Variants in EPHB1 observed in about 807,000 individuals in gnomAD.
The protein encoded by EPHB1 is ephrin type-B receptor 1.
A neutral mutation model predicts 94.4 loss-of-function variants in EPHB1; 30 were observed. The observed-to-expected ratio is 0.32, with a 90% CI of 0.24 to 0.43. EPHB1 has a LOEUF of 0.43. EPHB1 is among the 20% of genes least tolerant of loss of function. The pLI is 1.00. For synonymous variants in EPHB1, 522 were observed against 489.1 expected (o/e 1.07, Z -0.89); for missense variants, 1,055 against 1,308.3 (o/e 0.81, Z 2.99).
At chr3:135,198,663 C>T (rs116099032) in intron 11 of EPHB1, among the ~76,000 whole-genome samples, 304 of 152,280 alleles carry the variant, frequency 2.0e-3, no homozygotes, top group Non-Finnish European at 3.4e-3. Flanking sequence ...TCACCACACT[C>T]ATCTGAGGTA....
chr3:134,811,307 C>T (rs1282824594), intron 1 of EPHB1, among the ~76,000 whole-genome samples: 2 of 133,728 alleles, frequency 1.5e-5, no homozygotes, highest in African/African-American at 5.3e-5. Context: ...GGTGCGATCT[C>T]AGCTCACCGC....
intron 12 of EPHB1, among the ~76,000 whole-genome samples, chr3:135,226,691 A>T (rs1301873649): frequency 6.6e-6 from 1 of 152,200 alleles, no homozygotes. Flanking sequence ...TAATCCCAGA[A>T]CATGCAGGAG....
intron 13 of EPHB1, among the ~76,000 whole-genome samples, chr3:135,243,697 A>G (rs1376710472): frequency 6.6e-6 from 1 of 152,140 alleles, no homozygotes; most frequent in Non-Finnish European, 1.5e-5. Context: ...TTTACAGATG[A>G]CAATTGAAAG....
intron 9 of EPHB1, among the ~76,000 whole-genome samples, chr3:135,171,471 G>A (rs1251741675): frequency 6.6e-6 from 1 of 152,152 alleles, no homozygotes; most frequent in Non-Finnish European, 1.5e-5. Context: ...CTTATCGAGT[G>A]TGTAGGTAAC....
intron 1 of EPHB1, among the ~76,000 whole-genome samples, chr3:134,812,997 A>G (rs914134523): frequency 2.6e-5 from 4 of 152,082 alleles, no homozygotes; most frequent in Non-Finnish European, 4.4e-5. Flanking sequence ...GAGTGACCCC[A>G]CTCACACTAT....
chr3:134,985,146 C>T (rs1934551612), intron 3 of EPHB1, among the ~76,000 whole-genome samples: 2 of 152,040 alleles, frequency 1.3e-5, no homozygotes, highest in African/African-American at 4.8e-5. Context: ...TTCCCTGGGA[C>T]CTCTGGTGTG....
At chr3:134,911,664 A>G (rs536382836) in intron 1 of EPHB1, among the ~76,000 whole-genome samples, 18 of 152,334 alleles carry the variant, frequency 1.2e-4, no homozygotes, top group Non-Finnish European at 2.1e-4. Context: ...CTGCATGGCA[A>G]CACTAAGAAT....
intron 2 of EPHB1, among the ~76,000 whole-genome samples, chr3:134,949,291 G>A (rs577424682): frequency 6.6e-6 from 1 of 152,238 alleles, no homozygotes; most frequent in Non-Finnish European, 1.5e-5. Context: ...GGTCCAGGAG[G>A]ACCCTGGATT....
chr3:134,896,473 C>T (rs947785553), intron 1 of EPHB1, among the ~76,000 whole-genome samples: 4 of 152,222 alleles, frequency 2.6e-5, no homozygotes, highest in Non-Finnish European at 5.9e-5. Context: ...AATGGTTGCT[C>T]TTGTTGTCGT....
intron 2 of EPHB1, among the ~76,000 whole-genome samples, chr3:134,933,122 A>G (rs1019305655): frequency 2.0e-5 from 3 of 152,156 alleles, no homozygotes; most frequent in South Asian, 2.1e-4. Flanking sequence ...GTGGTTATCA[A>G]TCGATCCCTC....
chr3:134,810,156 C>G (rs975233715), intron 1 of EPHB1, among the ~76,000 whole-genome samples: 2 of 152,186 alleles, frequency 1.3e-5, no homozygotes, highest in African/African-American at 4.8e-5. Context: ...CTCACCTAAC[C>G]AGAGCACAAG....
At chr3:134,968,954 C>T (rs187728484) in intron 3 of EPHB1, among the ~76,000 whole-genome samples, 3 of 152,180 alleles carry the variant, frequency 2.0e-5, no homozygotes, top group Non-Finnish European at 2.9e-5. Context: ...TGTATCCATT[C>T]GCTTGTTGAG....
chr3:134,973,425 CTTT>C (rs10664147), intron 3 of EPHB1, among the ~76,000 whole-genome samples: 7 of 91,010 alleles, frequency 7.7e-5, no homozygotes, highest in South Asian at 9.5e-4. Context: ...GTCTTCTAGT[CTTT>C]TTTTTTTTTT....
chr3:135,140,237 T>A (rs1017480771), intron 5 of EPHB1, among the ~76,000 whole-genome samples: 1 of 152,102 alleles, frequency 6.6e-6, no homozygotes, highest in Non-Finnish European at 1.5e-5. Context: ...TAAAGAGGCA[T>A]CTCATAAAGA....
intron 3 of EPHB1, among the ~76,000 whole-genome samples, chr3:135,040,753 A>G (rs1275549029): frequency 1.3e-5 from 2 of 152,250 alleles, no homozygotes; most frequent in Admixed American, 6.5e-5. Context: ...GCCCGGCCTC[A>G]AAGATACTGC....
intron 3 of EPHB1, among the ~76,000 whole-genome samples, chr3:135,093,295 A>G (rs1938623428): frequency 6.6e-6 from 1 of 152,170 alleles, no homozygotes; most frequent in Non-Finnish European, 1.5e-5. Context: ...GCCAACTCCC[A>G]GGCCACTCCC....
chr3:135,160,762 G>A (rs899652728), intron 6 of EPHB1, among the ~76,000 whole-genome samples: 4 of 152,202 alleles, frequency 2.6e-5, no homozygotes, highest in Non-Finnish European at 4.4e-5. Context: ...ATGACAGTGT[G>A]TAGACAGTCC....
At chr3:135,099,763 G>A (rs957011960) in intron 3 of EPHB1, among the ~76,000 whole-genome samples, 1 of 152,182 alleles carries the variant, frequency 6.6e-6, no homozygotes, top group African/African-American at 2.4e-5. Context: ...GGAATTTCTT[G>A]CCCACCAACA....
chr3:134,924,419 A>G (rs1316786931), intron 1 of EPHB1, among the ~76,000 whole-genome samples: 1 of 152,248 alleles, frequency 6.6e-6, no homozygotes, highest in Non-Finnish European at 1.5e-5. Flanking sequence ...CCATTTAAAA[A>G]GGAGAAAAAG....
Sources: allele counts gnomAD v4.1 joint callset (sites outside exome capture counted in the v4.1 genomes callset), GRCh38; gene constraint gnomAD v4.1.1; transcripts MANE v1.5; gene names NCBI Gene and HGNC (gene_info 2026-07-23, HGNC 2026-07-21).